TIPIN: variants seen among roughly 807,000 people sequenced by gnomAD.
The protein encoded by TIPIN is TIMELESS-interacting protein.
TIPIN carries 29 observed loss-of-function variants against 35.6 expected under a neutral mutation model. The observed-to-expected ratio is 0.82, with a 90% CI of 0.61 to 1.11. The LOEUF (loss-of-function observed/expected upper bound fraction) is 1.11, where lower values mean the gene tolerates loss of function less well. Among genes scored for constraint, TIPIN ranks in the 50% most tolerant of loss-of-function variants. The probability of loss-of-function intolerance (pLI) is 0.00; values close to 1 mark genes in which losing one functional copy is unlikely to be tolerated. For synonymous variants in TIPIN, 102 were observed against 121.5 expected (o/e 0.84, Z 1.06); for missense variants, 296 against 345.4 (o/e 0.86, Z 1.13).
upstream of TIPIN, among the ~76,000 whole-genome samples, chr15:66,357,511 A>T (rs567921063): frequency 7.3e-6 from 1 of 136,098 alleles, no homozygotes; most frequent in African/African-American, 2.7e-5. Flanking sequence ...GCTTGAGCCC[A>T]GAAGTTGAAG....
chr15:66,378,015 T>C (rs2093303948), intron 1 of TIPIN, among the ~76,000 whole-genome samples: 2 of 151,694 alleles, frequency 1.3e-5, no homozygotes, highest in Admixed American at 6.6e-5. Flanking sequence ...CCAGCTAATT[T>C]TTTTTTTTTA....
intron 1 of TIPIN, chr15:66,379,912 T>C: frequency 6.7e-7 from 1 of 1,489,762 alleles, no homozygotes; most frequent in Non-Finnish European, 9.2e-7. Flanking sequence ...AGAATGGTCT[T>C]CACTCTCGCA....
chr15:66,352,720 A>G, intron 2 of TIPIN, 95 bp downstream of exon 2: 1 of 1,347,382 alleles, frequency 7.4e-7, no homozygotes, highest in Non-Finnish European at 9.8e-7. Flanking sequence ...TGACCTTGTG[A>G]TCCGCCCGCC....
chr15:66,374,396 T>C (rs1209943676), intron 1 of TIPIN, among the ~76,000 whole-genome samples: 1 of 151,244 alleles, frequency 6.6e-6, no homozygotes, highest in Non-Finnish European at 1.5e-5. Flanking sequence ...TTCAAGTGTT[T>C]TGCCCATTTT....
chr15:66,378,302 A>G lies in TIPIN; in HGVS notation c.-9+8305T>C, dbSNP rs896137050. On this transcript the variant is annotated intron_variant, in intron 1 of 7. Transcript: ENST00000562124. ...AGGCGTGAGCCACCGCACCCGGCCA[A>G]ATTTTTGTATTTTTAGTAGAGACGG... is the stretch of plus-strand genomic sequence containing the variant. Among the ~76,000 whole-genome samples the G allele has an allele frequency of 3.8e-4, 58 of 151,990 alleles. 1 individual carries two copies. Among genetic ancestry groups the G allele is most frequent in the South Asian group, 2.1e-4 (1 of 4,822 alleles).
intron 1 of TIPIN, among the ~76,000 whole-genome samples, chr15:66,384,448 C>A (rs1477987228): frequency 6.6e-6 from 1 of 151,988 alleles, no homozygotes; most frequent in Non-Finnish European, 1.5e-5. Flanking sequence ...GTGCCCACCA[C>A]CATGCCTGGC....
chr15:66,364,310 T>A (rs975551452), intron 1 of TIPIN, among the ~76,000 whole-genome samples: 3 of 151,596 alleles, frequency 2.0e-5, no homozygotes, highest in Non-Finnish European at 2.9e-5. Flanking sequence ...GGATTACAGA[T>A]GGGCGCCGCC....
rs749497501 is a variant in TIPIN, at chr15:66,352,891, T to G, written c.57A>C (p.Glu19Asp). The change falls in exon 2 of 8, where the codon GAA becomes GAC. Residue 19 changes from glutamate (E) to aspartate (D), a missense_variant. Transcript: ENST00000261881. ...VIDLPDYEHV[E>D]DETFPPFPPP... ...GTGGGAAAGGAGGAAAAGTTTCATCTTCTACATGCTCATAATCTGGTAGGT... is the reference window on the plus strand; with the variant it reads ...GTGGGAAAGGAGGAAAAGTTTCATCGTCTACATGCTCATAATCTGGTAGGT... 1.9e-6 allele frequency: 3 copies of G among 1,614,156 alleles called. No individual in the cohort carries two copies. In the South Asian group the frequency reaches 3.3e-5, roughly 18 times the overall value.
chr15:66,373,386 G>A (rs1010035131), intron 1 of TIPIN, among the ~76,000 whole-genome samples: 23 of 152,052 alleles, frequency 1.5e-4, no homozygotes, highest in African/African-American at 3.9e-4. Context: ...CCAGCTACTC[G>A]GGAGGCCGAG....
intron 1 of TIPIN, chr15:66,382,252 G>C: frequency 1.6e-6 from 1 of 612,996 alleles, no homozygotes; most frequent in Non-Finnish European, 2.0e-6. Context: ...CTCAGAGAGG[G>C]TAAGTAATCA....
At chr15:66,352,698 G>T (rs2093176175) in intron 2 of TIPIN, 117 bp downstream of exon 2, 2 of 1,130,822 alleles carry the variant, frequency 1.8e-6, no homozygotes, top group Non-Finnish European at 2.4e-6. Context: ...GGCCAGGCTG[G>T]TCTCAAATTC....
chr15:66,363,983 A>C (rs1168220665), intron 1 of TIPIN, among the ~76,000 whole-genome samples: 6 of 149,430 alleles, frequency 4.0e-5, no homozygotes, highest in Non-Finnish European at 6.0e-5. Context: ...ACTCTTTCTC[A>C]AAAAAAAACA....
At chr15:66,339,889 A>G (rs1170751842) in intron 7 of TIPIN, among the ~76,000 whole-genome samples, 1 of 149,880 alleles carries the variant, frequency 6.7e-6, no homozygotes, top group Non-Finnish European at 1.5e-5. Context: ...TTTTTTTTTG[A>G]GACGGAGTCT....
intron 1 of TIPIN, among the ~76,000 whole-genome samples, chr15:66,355,027 CTTTTTTTT>C (rs747834289): frequency 8.9e-6 from 1 of 112,740 alleles, no homozygotes; most frequent in Middle Eastern, 4.8e-3. Flanking sequence ...CAATATATAT[CTTTTTTTT>C]TTTTTTTTTT....
intron 1 of TIPIN, among the ~76,000 whole-genome samples, chr15:66,384,634 C>A (rs892971443): frequency 2.0e-5 from 3 of 151,568 alleles, no homozygotes. Context: ...GAGTTCAGGC[C>A]GGGCGCAGTG....
intron 1 of TIPIN, among the ~76,000 whole-genome samples, chr15:66,362,314 A>G (rs941766662): frequency 1.3e-5 from 2 of 152,108 alleles, no homozygotes; most frequent in Admixed American, 6.6e-5. Flanking sequence ...AAAAAAAAAA[A>G]AAGAAGAAGA....
intron 6 of TIPIN, among the ~76,000 whole-genome samples, chr15:66,348,545 G>T (rs973118489): frequency 3.3e-5 from 5 of 150,730 alleles, no homozygotes; most frequent in Non-Finnish European, 5.9e-5. Context: ...AAAATTAACT[G>T]GGCATGGTGG....
chr15:66,368,242 G>A (rs2093265031), intron 1 of TIPIN, among the ~76,000 whole-genome samples: 1 of 152,042 alleles, frequency 6.6e-6, no homozygotes, highest in Non-Finnish European at 1.5e-5. Context: ...TCTATAGACT[G>A]GGCACAGTGG....
At chr15:66,386,612 A>G (rs959073204) in exon 1 of TIPIN, 4 of 169,220 alleles carry the variant, frequency 2.4e-5, no homozygotes, top group Non-Finnish European at 5.1e-5. Context: ...GTTACCGCAG[A>G]GGTGGAGGCC....
Sources: gnomAD v4.1 joint callset for allele counts (sites outside exome capture counted in the v4.1 genomes callset) on GRCh38, gnomAD v4.1.1 for gene constraint, MANE v1.5 for transcripts, NCBI Gene and HGNC (gene_info 2026-07-23, HGNC 2026-07-21) for gene names.